The following SIPA1L3 variants were observed in gnomAD, a reference collection of about 807,000 sequenced individuals.
SIPA1L3 encodes signal induced proliferation associated 1 like 3.
Under a neutral mutation model 150.1 loss-of-function variants are expected in SIPA1L3, and 59 were observed. The observed-to-expected ratio is 0.39, with a 90% CI of 0.32 to 0.49. The LOEUF (loss-of-function observed/expected upper bound fraction) is 0.49, where lower values mean the gene tolerates loss of function less well. SIPA1L3 is among the 20% of genes least tolerant of loss of function. The pLI, the probability that SIPA1L3 is intolerant of heterozygous loss-of-function variation, is 0.86. For missense variants in SIPA1L3, 2,211 were observed against 2,489.5 expected, an observed-to-expected ratio of 0.89 and a Z score of 2.38; for synonymous variants, 1,070 against 1,077.6, an observed-to-expected ratio of 0.99 and a Z score of 0.14.
At chr19:38,078,555 CGCACACAGACAT>C (rs1969906355) in intron 2 of SIPA1L3, among the ~76,000 whole-genome samples, 2 of 150,948 alleles carry the variant, frequency 1.3e-5, no homozygotes, top group Admixed American at 1.3e-4. Context: ...CACACAGACA[CGCACACAGACAT>C]ACACAGAGAC....
Position 38,192,266 on chromosome 19 carries a change from A to T in SIPA1L3, c.4552A>T (p.Ile1518Phe). Residue 1518 changes from isoleucine (I) to phenylalanine (F), a missense_variant, in exon 17 of 22, where the codon ATC becomes TTC. Transcript: ENST00000222345. Reference protein sequence around the residue: ...STIEDDLKKLIIMDNLGPEQE... With the variant: ...STIEDDLKKLFIMDNLGPEQE... ...CATCGAGGATGACCTGAAGAAACTC[A>T]TCATCATGGACAACCTGGGGCCAGA... is the stretch of plus-strand genomic sequence containing the variant. 1 of 1,613,312 alleles carries T rather than the reference A, an allele frequency of 6.2e-7. No homozygotes were observed. The highest frequency in any genetic ancestry group is 8.5e-7 in the Non-Finnish European group (1 of 1,179,646).
chr19:37,978,978 A>G (rs1967136979), intron 1 of SIPA1L3, among the ~76,000 whole-genome samples: 1 of 152,070 alleles, frequency 6.6e-6, no homozygotes, highest in Admixed American at 6.5e-5. Flanking sequence ...TCTCAAAAAC[A>G]AAACCAGAAA....
chr19:38,168,615 G>A (rs977322435), intron 15 of SIPA1L3, among the ~76,000 whole-genome samples: 3 of 152,056 alleles, frequency 2.0e-5, no homozygotes, highest in East Asian at 1.9e-4. Flanking sequence ...CCACCTTAGC[G>A]AACCCGAACA....
At chr19:37,977,186 A>G (rs548590797) in intron 1 of SIPA1L3, among the ~76,000 whole-genome samples, 10 of 151,896 alleles carry the variant, frequency 6.6e-5, no homozygotes, top group Non-Finnish European at 1.3e-4. Flanking sequence ...TTTTTATGAG[A>G]TGGAGGCTTG....
intron 2 of SIPA1L3, among the ~76,000 whole-genome samples, chr19:38,041,273 A>ATT (rs35807588): frequency 0.19 from 14,052 of 72,180 alleles, 1,381 homozygotes; most frequent in African/African-American, 0.26. Context: ...CGCTCAGCTA[A>ATT]TTTTTTTTTT....
rs532899332 is a variant in SIPA1L3 at position 37,921,340 on chromosome 19, GA to G, written c.-379+13985del. On this transcript the variant is annotated intron_variant, in intron 1 of 21. Transcript: ENST00000222345. Reference sequence around the variant, plus strand: ...TATGCGGAAGTGGCAGGAAAAGAGGGAAACGTTTGGGGGCTTCTCCTGATGG... The same window carrying G: ...TATGCGGAAGTGGCAGGAAAAGAGGGAACGTTTGGGGGCTTCTCCTGATGG... Among the ~76,000 whole-genome samples the G allele has an allele frequency of 1.1e-3, 167 of 152,286 alleles. 1 individual carries two copies. Among genetic ancestry groups the G allele is most frequent in the African/African-American group, 3.9e-3 (163 of 41,566 alleles).
At chr19:37,945,254 G>A (rs758676451) in intron 1 of SIPA1L3, among the ~76,000 whole-genome samples, 1 of 150,974 alleles carries the variant, frequency 6.6e-6, no homozygotes, top group African/African-American at 2.4e-5. Flanking sequence ...TTTTTTTTGA[G>A]ACAGAGTCAA....
At chr19:38,151,271 C>T (rs1156456741) in intron 12 of SIPA1L3, among the ~76,000 whole-genome samples, 2 of 152,236 alleles carry the variant, frequency 1.3e-5, no homozygotes, top group Non-Finnish European at 2.9e-5. Context: ...ACCTGAAAGT[C>T]TCCGTGGCTT....
rs141948700 is a variant in SIPA1L3 at position 38,198,665 on chromosome 19, C to T, written c.4984+133C>T. The T allele has an allele frequency of 1.6e-3, 1,427 of 908,702 alleles. 1 individual carries two copies. Among genetic ancestry groups the T allele is most frequent in the Middle Eastern group, 4.2e-3 (11 of 2,608 alleles). 56.3% of individuals were successfully genotyped at this position (908,702 alleles called of 1,614,324 possible). A position where few individuals can be genotyped will look rare whatever the true frequency, so the allele number is the denominator to read the frequency against. On this transcript the variant is annotated intron_variant, in intron 19 of 21. Coordinates refer to ENST00000222345, the MANE Select transcript of SIPA1L3 (RefSeq NM_015073.3). ...ATCAGGGAGCAGGGTTCAAGTCCTGCCCCGTCACTTGCTTACCATGCAGCC... is the reference window on the plus strand; with the variant it reads ...ATCAGGGAGCAGGGTTCAAGTCCTGTCCCGTCACTTGCTTACCATGCAGCC...
intron 1 of SIPA1L3, among the ~76,000 whole-genome samples, chr19:38,025,556 A>G (rs1436857692): frequency 1.3e-5 from 2 of 152,192 alleles, no homozygotes; most frequent in Admixed American, 6.5e-5. Context: ...CCTGGCTGAG[A>G]GAGACTTGGC....
chr19:38,194,765 T>C (rs10402343), intron 18 of SIPA1L3, among the ~76,000 whole-genome samples: 149,236 of 152,248 alleles, frequency 0.98, 73,159 homozygotes, highest in East Asian at 1. Context: ...AAAACTCCCC[T>C]GCAGGCCGGG....
Position 38,130,672 on chromosome 19 carries a change from G to C in SIPA1L3, c.3043G>C (p.Val1015Leu), listed in dbSNP as rs932048805. The C allele has an allele frequency of 6.2e-7, 1 of 1,613,986 alleles. No homozygotes were observed. The highest frequency in any genetic ancestry group is 8.5e-7 in the Non-Finnish European group (1 of 1,180,038). ...SRLVEICKVA[V>L]VTLTHDQMID... ...ACTAGTGGAGATCTGCAAGGTGGCC[G>C]TGGTCACACTGACCCACGACCAGAT... Residue 1015 changes from valine to leucine, a missense_variant, in exon 10 of 22, where the codon GTG (valine) becomes CTG (leucine). Around this residue, in one of 5 missense-constraint regions of SIPA1L3, gnomAD observed 625 missense variants for 804.2 expected, o/e 0.78. Coordinates refer to ENST00000222345, the MANE Select transcript of SIPA1L3 (RefSeq NM_015073.3).
At chr19:38,107,929 A>C (rs1970657670) in intron 7 of SIPA1L3, among the ~76,000 whole-genome samples, 1 of 151,986 alleles carries the variant, frequency 6.6e-6, no homozygotes, top group Non-Finnish European at 1.5e-5. Flanking sequence ...GTGAGCTGAG[A>C]TCATGCCATT....
At chr19:38,079,080 C>T (rs1969918826) in intron 2 of SIPA1L3, among the ~76,000 whole-genome samples, 1 of 152,214 alleles carries the variant, frequency 6.6e-6, no homozygotes, top group African/African-American at 2.4e-5. Context: ...CGCCTGTAAT[C>T]CCAGCACTTT....
intron 7 of SIPA1L3, among the ~76,000 whole-genome samples, chr19:38,108,012 G>T (rs1050187667): frequency 2.6e-5 from 4 of 151,594 alleles, no homozygotes; most frequent in Non-Finnish European, 5.9e-5. Context: ...AAAGCGCTTT[G>T]ATCTCAGAAT....
intron 1 of SIPA1L3, among the ~76,000 whole-genome samples, chr19:38,011,877 G>GC (rs1396814019): frequency 2.0e-5 from 3 of 152,094 alleles, no homozygotes; most frequent in Non-Finnish European, 4.4e-5. Flanking sequence ...GCTTGGCCTG[G>GC]GAGGGAGAAA....
In SIPA1L3 at chr19:38,176,373, GT is replaced by G. The variant is rs376566101; in HGVS notation, c.4209-6136del. ...TTTAATTAGACTTTTTTTAGGGTTG[GT>G]TTTTTTTTTGTTTTTTTTATTTGCT... On this transcript the variant is annotated intron_variant, in intron 15 of 21. Transcript: ENST00000222345. Among the ~76,000 whole-genome samples the G allele has an allele frequency of 2.4e-3, 353 of 145,826 alleles. 2 individuals are homozygous for G. The highest frequency in any genetic ancestry group is 8.0e-3 in the African/African-American group (318 of 39,956).
rs1247949480 is a variant in SIPA1L3 at position 38,106,559 on chromosome 19, C to T, written c.2052C>T (p.Ser684=). 2 of 1,612,822 alleles carry T rather than the reference C, an allele frequency of 1.2e-6. No homozygotes were observed. Among genetic ancestry groups the T allele is most frequent in the Non-Finnish European group, 1.7e-6 (2 of 1,179,380 alleles). Residue 684 remains serine, a synonymous_variant, in exon 7 of 22, where the codon TCC becomes TCT. Coordinates refer to ENST00000222345, the MANE Select transcript of SIPA1L3 (RefSeq NM_015073.3). The part of the protein sequence containing the change: ...DVKTDSTGTH[S]LYTMYQDYEI... ...CAGCCGACTCCACGGGAACCCACTC[C>T]CTCTACACGATGTACCAGGACTACG...
intron 2 of SIPA1L3, among the ~76,000 whole-genome samples, chr19:38,067,153 C>T (rs1969613391): frequency 6.6e-6 from 1 of 151,732 alleles, no homozygotes; most frequent in Non-Finnish European, 1.5e-5. Flanking sequence ...GCAGGAGGAT[C>T]ACTTGAGCCC....
Sources: allele counts gnomAD v4.1 joint callset (sites outside exome capture counted in the v4.1 genomes callset), GRCh38; gene constraint gnomAD v4.1.1; regional missense constraint gnomAD v4.1.1; transcripts MANE v1.5; gene names NCBI Gene and HGNC (gene_info 2026-07-23, HGNC 2026-07-21).